PPP4R3A: variants seen among roughly 807,000 people sequenced by gnomAD.
The protein encoded by PPP4R3A is protein phosphatase 4 regulatory subunit 3A, also known as serine/threonine-protein phosphatase 4 regulatory subunit 3A.
A neutral mutation model predicts 91.7 loss-of-function variants in PPP4R3A; 15 were observed. That is an observed-to-expected ratio of 0.16 (90% CI 0.11 to 0.25). The LOEUF (loss-of-function observed/expected upper bound fraction) is 0.25, where lower values mean the gene tolerates loss of function less well. Among genes scored for constraint, PPP4R3A ranks in the 10% least tolerant of loss-of-function variants. PPP4R3A has a pLI of 1.00. For synonymous variants in PPP4R3A, 377 were observed against 348.7 expected, an observed-to-expected ratio of 1.08 and a Z score of -0.91; for missense variants, 623 against 998.4, an observed-to-expected ratio of 0.62 and a Z score of 5.07.
intron 10 of PPP4R3A, among the ~76,000 whole-genome samples, chr14:91,469,824 A>G (rs1365422813): frequency 6.6e-6 from 1 of 152,020 alleles, no homozygotes; most frequent in Non-Finnish European, 1.5e-5. Flanking sequence ...TCATCCTCCC[A>G]AAGTGCTGGG....
intron 2 of PPP4R3A, 27 bp from the exon 3 acceptor site, chr14:91,485,757 T>G: frequency 6.8e-7 from 1 of 1,479,162 alleles, no homozygotes; most frequent in Non-Finnish European, 9.3e-7. Context: ...GGAGTCTGAA[T>G]GATTAACATA....
Position 91,491,477 on chromosome 14 carries a change from G to A in PPP4R3A, c.143-675C>T, listed in dbSNP as rs192359304. ...GGCTGGAGTGCAGTGGCGCGATCTCGGCTCACTGCAACCTCCGCCTCCCAA... is the reference window on the plus strand; with the variant it reads ...GGCTGGAGTGCAGTGGCGCGATCTCAGCTCACTGCAACCTCCGCCTCCCAA... On this transcript the variant is annotated intron_variant, in intron 1 of 14. Coordinates refer to ENST00000554943, the MANE Select transcript of PPP4R3A (RefSeq NM_001366432.2). Among the ~76,000 whole-genome samples, 527 of 151,406 alleles carry A rather than the reference G, an allele frequency of 3.5e-3. 6 individuals are homozygous for A. The highest frequency in any genetic ancestry group is 0.012 in the African/African-American group (475 of 41,270).
At position 91,510,176 on chromosome 14, in the gene PPP4R3A, G is replaced by C. The variant is rs1458198239; in HGVS notation, c.-529C>G. 4.5e-5 allele frequency: 7 copies of C among 156,472 alleles called. 1 individual carries two copies. The highest frequency in any genetic ancestry group is 1.7e-4 in the African/African-American group (7 of 41,514). The allele number at this position is 156,472 out of a possible 1,614,324, so 9.7% of individuals were successfully genotyped here. A position where few individuals can be genotyped will look rare whatever the true frequency, so the allele number is the denominator to read the frequency against. ...CCTGCTGCAACTGCTACCACTGCCC[G>C]GGAGACTCTGAGGGCCCCCGGCCGC... On this transcript the variant is annotated 5_prime_UTR_variant, in exon 1 of 15. Coordinates refer to ENST00000554943, the MANE Select transcript of PPP4R3A (RefSeq NM_001366432.2).
At chr14:91,461,878 TAA>T (rs1888182739) in intron 13 of PPP4R3A, among the ~76,000 whole-genome samples, 169 bp downstream of exon 13, 1 of 152,136 alleles carries the variant, frequency 6.6e-6, no homozygotes, top group African/African-American at 2.4e-5. Context: ...TAAGAAAACT[TAA>T]GTTTATGCCT....
At chr14:91,477,975 T>C (rs1365344489) in intron 4 of PPP4R3A, among the ~76,000 whole-genome samples, 1 of 152,154 alleles carries the variant, frequency 6.6e-6, no homozygotes. Context: ...CCTCAGCTAG[T>C]GGAAGTAGAT....
At chr14:91,507,313 C>G (rs1304073366) in intron 1 of PPP4R3A, among the ~76,000 whole-genome samples, 2 of 144,756 alleles carry the variant, frequency 1.4e-5, no homozygotes, top group Non-Finnish European at 3.0e-5. Context: ...AAGAGCAAAA[C>G]CCAATCTCAA....
intron 3 of PPP4R3A, among the ~76,000 whole-genome samples, chr14:91,483,479 C>T (rs778085414): frequency 2.0e-5 from 3 of 152,168 alleles, no homozygotes; most frequent in Non-Finnish European, 2.9e-5. Context: ...ATTATGTAAG[C>T]TCTCATTATA....
Position 91,458,482 on chromosome 14 carries a change from C to T in PPP4R3A, c.*277G>A, listed in dbSNP as rs1453288518. 2.1e-6 allele frequency: 1 copy of T among 479,610 alleles called. No individual in the cohort carries two copies. Among genetic ancestry groups the T allele is most frequent in the African/African-American group, 2.0e-5 (1 of 51,100 alleles). 29.7% of individuals were successfully genotyped at this position (479,610 alleles called of 1,614,324 possible). A position where few individuals can be genotyped will look rare whatever the true frequency, so the allele number is the denominator to read the frequency against. On this transcript the variant is annotated 3_prime_UTR_variant, in exon 15 of 15. Transcript: ENST00000554943. ...CAGAGTTCCACTTACAAAACCCCTGCCCTGTTGGCTTTTTGTTTCCATTTC... is the reference window on the plus strand; with the variant it reads ...CAGAGTTCCACTTACAAAACCCCTGTCCTGTTGGCTTTTTGTTTCCATTTC...
chr14:91,489,025 A>G (rs541510132), intron 2 of PPP4R3A, among the ~76,000 whole-genome samples: 64 of 149,438 alleles, frequency 4.3e-4, no homozygotes, highest in African/African-American at 1.5e-3. Flanking sequence ...TTCCTGCCTC[A>G]GCCTCCTGAG....
chr14:91,459,896 T>C (rs935446151), intron 14 of PPP4R3A, among the ~76,000 whole-genome samples: 4 of 151,390 alleles, frequency 2.6e-5, no homozygotes, highest in African/African-American at 7.3e-5. Flanking sequence ...GAAATGAGGG[T>C]AGACAGGCTT....
At chr14:91,481,463 C>T in intron 4 of PPP4R3A, 113 bp downstream of exon 4, 2 of 1,113,848 alleles carry the variant, frequency 1.8e-6, no homozygotes, top group Non-Finnish European at 1.2e-6. Flanking sequence ...AAATAACTCA[C>T]AATACTTAAC....
At chr14:91,490,846 G>A (rs1890192014) in intron 1 of PPP4R3A, 44 bp from the exon 2 acceptor site, 2 of 1,270,896 alleles carry the variant, frequency 1.6e-6, no homozygotes, top group Admixed American at 4.1e-5. Context: ...CTGTAAAACA[G>A]CAAAATTATA....
intron 14 of PPP4R3A, among the ~76,000 whole-genome samples, chr14:91,460,412 T>C (rs1888056264): frequency 6.6e-6 from 1 of 151,550 alleles, no homozygotes; most frequent in African/African-American, 2.4e-5. Flanking sequence ...TTCTTAGCCG[T>C]CAGGAGTCTC....
intron 1 of PPP4R3A, among the ~76,000 whole-genome samples, chr14:91,498,010 G>C (rs980644730): frequency 6.6e-6 from 1 of 152,132 alleles, no homozygotes; most frequent in African/African-American, 2.4e-5. Flanking sequence ...GAATCTTTCT[G>C]GTTTTTTAAA....
chr14:91,466,041 A>AT (rs1251717225), intron 10 of PPP4R3A, among the ~76,000 whole-genome samples: 2 of 152,050 alleles, frequency 1.3e-5, no homozygotes, highest in Non-Finnish European at 2.9e-5. Flanking sequence ...ATGCTTTTTA[A>AT]TTTTTTTCTA....
chr14:91,481,914 A>G lies in PPP4R3A; in HGVS notation c.577T>C (p.Tyr193His), dbSNP rs771597992. Residue 193 changes from tyrosine (Y) to histidine (H), a missense_variant, in exon 4 of 15, where the codon TAT (tyrosine) becomes CAT (histidine). By Grantham distance (83) the Tyr-to-His change is moderately conservative. Coordinates refer to ENST00000554943, the MANE Select transcript of PPP4R3A (RefSeq NM_001366432.2). Reference sequence around the variant, plus strand: ...AGAAAGATGCCTTTGATAATTTCATACAAGTGGTGCAGTCCTTCAATATTT... The same window carrying G: ...AGAAAGATGCCTTTGATAATTTCATGCAAGTGGTGCAGTCCTTCAATATTT... ...LENIEGLHHL[Y>H]EIIKGIFLLN... The G allele has an allele frequency of 1.9e-6, 3 of 1,614,042 alleles. No individual in the cohort carries two copies. Among genetic ancestry groups the G allele is most frequent in the Admixed American group, 3.3e-5 (2 of 59,966 alleles).
At chr14:91,475,441 G>A (rs761395263) in intron 7 of PPP4R3A, 13 of 203,266 alleles carry the variant, frequency 6.4e-5, no homozygotes, top group Non-Finnish European at 1.2e-4. Flanking sequence ...TTCATTCTTG[G>A]CGATTTTGAG....
intron 2 of PPP4R3A, among the ~76,000 whole-genome samples, chr14:91,488,875 T>G (rs1242569349): frequency 6.7e-6 from 1 of 149,652 alleles, no homozygotes; most frequent in African/African-American, 2.5e-5. Context: ...AGATATATAC[T>G]GTTATGAAAA....
chr14:91,463,292 C>T (rs1046751119), intron 11 of PPP4R3A, among the ~76,000 whole-genome samples: 3 of 151,866 alleles, frequency 2.0e-5, no homozygotes, highest in African/African-American at 4.8e-5. Context: ...CTCGAACTCC[C>T]GACCTCAGGT....
Sources: allele counts gnomAD v4.1 joint callset (sites outside exome capture counted in the v4.1 genomes callset), GRCh38; gene constraint gnomAD v4.1.1; transcripts MANE v1.5; gene names NCBI Gene and HGNC (gene_info 2026-07-23, HGNC 2026-07-21).